The following RINL variants were observed in gnomAD, a reference collection of about 807,000 sequenced individuals.
RINL encodes the protein Ras and Rab interactor like.
RINL carries 39 observed loss-of-function variants against 58.1 expected under a neutral mutation model. The observed-to-expected ratio is 0.67, with a 90% confidence interval of 0.52 to 0.88. RINL has a LOEUF of 0.88. RINL is among the 40% of genes least tolerant of loss of function. The pLI, the probability that RINL is intolerant of heterozygous loss-of-function variation, is 0.00. For synonymous variants in RINL, 286 were observed against 323.1 expected, an observed-to-expected ratio of 0.89 and a Z score of 1.23; for missense variants, 711 against 749.2, an observed-to-expected ratio of 0.95 and a Z score of 0.60.
At position 38,871,649 on chromosome 19, in the gene RINL, G is replaced by A. The variant is rs1363769201; in HGVS notation, c.449C>T (p.Thr150Ile). 1.9e-6 allele frequency: 3 copies of A among 1,613,702 alleles called. No individual in the cohort carries two copies. Among genetic ancestry groups the A allele is most frequent in the Non-Finnish European group, 2.5e-6 (3 of 1,179,836 alleles). The change falls in exon 6 of 12, where the codon ACA becomes ATA. Residue 150 changes from threonine to isoleucine, a missense_variant and splice_region_variant. Coordinates refer to ENST00000591812, the MANE Select transcript of RINL (RefSeq NM_001195833.2). ...PPTLGPRDEHTDPVQIGRVQQ... is the reference protein window; with the variant it reads ...PPTLGPRDEHIDPVQIGRVQQ... The stretch of plus-strand genomic sequence containing the variant: ...CTCTTTAGAGAACCGTGCCTCACCT[G>A]TGTGTTCATCTCTGGGCCCTAGAGT...
intron 4 of RINL, chr19:38,873,408 G>C (rs1218891107): frequency 6.2e-6 from 1 of 162,212 alleles, no homozygotes; most frequent in Non-Finnish European, 1.4e-5. Flanking sequence ...TGGGGCAGGG[G>C]TGTATAACAT....
At chr19:38,871,045 C>A (rs758971778) in intron 7 of RINL, 33 bp downstream of exon 7, 6 of 1,579,400 alleles carry the variant, frequency 3.8e-6, no homozygotes, top group Non-Finnish European at 5.2e-6. Context: ...CAGCTCCCTC[C>A]CCTTCAGAGG....
chr19:38,875,981 A>C (rs1487015998), intron 3 of RINL, among the ~76,000 whole-genome samples: 1 of 152,190 alleles, frequency 6.6e-6, no homozygotes, highest in Non-Finnish European at 1.5e-5. Context: ...CCCGCAGTTG[A>C]AAGCAAAGCC....
chr19:38,869,307 G>A lies in RINL; in HGVS notation c.1578C>T (p.Ala526=). Reference sequence around the variant, plus strand: ...GCCTGCGGTGCCACTGGTGCAGGGAGGCGCGGGCCTCGGAGCTGAGCCCCC... The same window carrying A: ...GCCTGCGGTGCCACTGGTGCAGGGAAGCGCGGGCCTCGGAGCTGAGCCCCC... ...APRGLSSEAR[A]SLHQWHRRRT... Residue 526 remains alanine, a synonymous_variant, in exon 11 of 12, where the codon GCC becomes GCT. Transcript: ENST00000591812. The surrounding 1 kb of genome is among the most constrained non-coding windows in gnomAD (Gnocchi z 5.7). 1 of 1,614,076 alleles carries A rather than the reference G, an allele frequency of 6.2e-7. No individual in the cohort carries two copies. The highest frequency in any genetic ancestry group is 8.5e-7 in the Non-Finnish European group (1 of 1,179,994).
intron 6 of RINL, 163 bp downstream of exon 6, chr19:38,871,484 C>A: frequency 1.4e-6 from 1 of 719,712 alleles, no homozygotes; most frequent in Non-Finnish European, 2.3e-6. Context: ...CCCCCATCCC[C>A]TCCTCCCTCT....
rs768078228 is a variant in RINL at position 38,869,688 on chromosome 19, G to A, written c.1359C>T (p.Asp453=). The A allele has an allele frequency of 2.5e-6, 4 of 1,613,832 alleles. No homozygotes were observed. Among genetic ancestry groups the A allele is most frequent in the Non-Finnish European group, 2.5e-6 (3 of 1,179,994 alleles). ...RGENQDPLGA[D]AFLPALTEEL... ...CCTCGGTCAGCGCCGGCAGGAAGGC[G>A]TCGGCCCCCAGGGGATCTGGGAAAA... The change falls in exon 10 of 12, where the codon GAC becomes GAT. Residue 453 remains aspartate (D), a synonymous_variant. Transcript: ENST00000591812. This position sits in a 1 kb window ranked among gnomAD's most constrained non-coding sequence, Gnocchi z 5.7.
At chr19:38,876,854 T>C in intron 1 of RINL, 73 bp from the exon 2 acceptor site, 1 of 841,280 alleles carries the variant, frequency 1.2e-6, no homozygotes, top group Non-Finnish European at 1.9e-6. Context: ...ACAATCAATA[T>C]GGCAGAGACC....
At chr19:38,872,109 C>A (rs1222908278) in intron 4 of RINL, among the ~76,000 whole-genome samples, 1 of 152,094 alleles carries the variant, frequency 6.6e-6, no homozygotes, top group Non-Finnish European at 1.5e-5. Flanking sequence ...ACTGGAGATA[C>A]AGTTATCAAA....
chr19:38,876,588 G>A, intron 2 of RINL, 98 bp from the exon 3 acceptor site: 3 of 1,452,132 alleles, frequency 2.1e-6, no homozygotes, highest in Non-Finnish European at 2.8e-6. Flanking sequence ...CCAGGGCAGA[G>A]GCTCAGAGAT....
chr19:38,876,016 A>C (rs778747388), intron 3 of RINL, among the ~76,000 whole-genome samples: 9 of 152,046 alleles, frequency 5.9e-5, no homozygotes, highest in South Asian at 4.1e-4. Flanking sequence ...AGAGGAATTT[A>C]TAAGTGTTCT....
In RINL at chr19:38,870,840, C is replaced by T; in HGVS notation, c.754G>A (p.Glu252Lys). 1 of 1,608,414 alleles carries T rather than the reference C, an allele frequency of 6.2e-7. No homozygotes were observed. Among genetic ancestry groups the T allele is most frequent in the Non-Finnish European group, 8.5e-7 (1 of 1,179,996 alleles). ...KEEGREDDPE[E>K]EGPEDVLTIH... is the part of the protein sequence containing the mutation. ...GTGAGCACGTCCTCAGGGCCTTCCT[C>T]TTCAGGGTCGTCCTCCCTTCCTTCC... The change falls in exon 8 of 12, where the codon GAG becomes AAG. Residue 252 changes from glutamate to lysine, a missense_variant. Physicochemically the swap from Glu to Lys is moderately conservative, Grantham distance 56. Coordinates refer to ENST00000591812, the MANE Select transcript of RINL (RefSeq NM_001195833.2). This position sits in a 1 kb window ranked among gnomAD's most constrained non-coding sequence, Gnocchi z 5.8.
Position 38,871,125 on chromosome 19 carries a change from T to A in RINL, c.554A>T (p.Gln185Leu). The change falls in exon 7 of 12, where the codon CAG becomes CTG. Residue 185 changes from glutamine to leucine, a missense_variant. By Grantham distance (113) the Gln-to-Leu change is moderately radical. Coordinates refer to ENST00000591812, the MANE Select transcript of RINL (RefSeq NM_001195833.2). ...LETHRGWGRE[Q>L]TPQETEPEAA... is the part of the protein sequence containing the mutation. ...CTCTGGCTCTGTTTCTTGAGGGGTC[T>A]GCTCCCTCCCCCAGCCTCTGTGGGT... 6.2e-7 allele frequency: 1 copy of A among 1,613,148 alleles called. No individual in the cohort carries two copies. The highest frequency in any genetic ancestry group is 8.5e-7 in the Non-Finnish European group (1 of 1,179,508).
intron 2 of RINL, 71 bp downstream of exon 2, chr19:38,876,618 TGAGG>T: frequency 6.8e-7 from 1 of 1,461,348 alleles, no homozygotes. Context: ...GATTCTGTAG[TGAGG>T]GAGGTATTGG....
Position 38,870,208 on chromosome 19 carries a change from C to G in RINL, c.1077G>C (p.Pro359=). 1.4e-6 allele frequency: 2 copies of G among 1,389,662 alleles called. No individual in the cohort carries two copies. Among genetic ancestry groups the G allele is most frequent in the Non-Finnish European group, 1.9e-6 (2 of 1,080,306 alleles). The allele number at this position is 1,389,662 out of a possible 1,614,324, so 86.1% of individuals were successfully genotyped here. The part of the protein sequence containing the change: ...VCQAVLAPLK[P]ALWTRLRTLR... ...GTGTGCGGAGTCGTGTCCACAGGGC[C>G]GGCTTCAGGGGCGCCAGCACCGCCT... Residue 359 remains proline, a synonymous_variant, in exon 9 of 12, where the codon CCG becomes CCC. Coordinates refer to ENST00000591812, the MANE Select transcript of RINL (RefSeq NM_001195833.2). This position sits in a 1 kb window ranked among gnomAD's most constrained non-coding sequence, Gnocchi z 5.8.
chr19:38,868,892 C>A lies in RINL; in HGVS notation c.*212G>T, dbSNP rs1363266439. Reference sequence around the variant, plus strand: ...CACCTCAGTGAGGCTTTCTCTGATACGCCTGTCTAAAACTGCAAAGCCTCC... The same window carrying A: ...CACCTCAGTGAGGCTTTCTCTGATAAGCCTGTCTAAAACTGCAAAGCCTCC... On this transcript the variant is annotated 3_prime_UTR_variant, in exon 12 of 12. Transcript: ENST00000591812. 2.0e-6 allele frequency: 1 copy of A among 509,052 alleles called. No individual in the cohort carries two copies. The highest frequency in any genetic ancestry group is 3.5e-6 in the Non-Finnish European group (1 of 284,832). 31.5% of individuals were successfully genotyped at this position (509,052 alleles called of 1,614,324 possible).
intron 6 of RINL, 28 bp downstream of exon 6, chr19:38,871,619 G>A: frequency 1.9e-6 from 3 of 1,606,008 alleles, no homozygotes; most frequent in Non-Finnish European, 1.7e-6. Context: ...CAGGTTGGCT[G>A]TGCCCTCTTT....
At chr19:38,871,605 T>C in intron 6 of RINL, 42 bp downstream of exon 6, 1 of 1,575,012 alleles carries the variant, frequency 6.3e-7, no homozygotes, top group Non-Finnish European at 8.7e-7. Context: ...AGCAAGGAAA[T>C]TGGCAGGTTG....
At chr19:38,871,322 G>T (rs1972810729) in intron 6 of RINL, 95 bp from the exon 7 acceptor site, 4 of 1,385,064 alleles carry the variant, frequency 2.9e-6, no homozygotes, top group Admixed American at 1.9e-5. Context: ...CAGCTTCATT[G>T]CTGGAGGTGC....
chr19:38,873,636 G>A (rs1330416312), intron 4 of RINL: 2 of 338,966 alleles, frequency 5.9e-6, no homozygotes, highest in Non-Finnish European at 1.1e-5. Context: ...AGCTATTCTC[G>A]TGCCTCGGCC....
Sources: allele counts gnomAD v4.1 joint callset (sites outside exome capture counted in the v4.1 genomes callset), GRCh38; gene constraint gnomAD v4.1.1; non-coding constraint Gnocchi (gnomAD v3.1); transcripts MANE v1.5; gene names NCBI Gene and HGNC (gene_info 2026-07-23, HGNC 2026-07-21).